ARHGAP20: variants seen among roughly 807,000 people sequenced by gnomAD.
ARHGAP20 encodes the protein rho GTPase-activating protein 20.
A neutral mutation model predicts 73.7 loss-of-function variants in ARHGAP20; 34 were observed. That is an observed-to-expected ratio of 0.46 (90% CI 0.35 to 0.61). The LOEUF (loss-of-function observed/expected upper bound fraction) is 0.61, where lower values mean the gene tolerates loss of function less well. Among genes scored for constraint, ARHGAP20 ranks in the 20% least tolerant of loss-of-function variants. ARHGAP20 has a pLI of 0.00. For synonymous variants in ARHGAP20, 523 were observed against 518.2 expected (o/e 1.01, Z -0.13); for missense variants, 1,314 against 1,420.9 (o/e 0.92, Z 1.21).
chr11:110,667,492 A>T (rs1331964582), intron 2 of ARHGAP20, among the ~76,000 whole-genome samples: 1 of 152,212 alleles, frequency 6.6e-6, no homozygotes, highest in Admixed American at 6.5e-5. Flanking sequence ...GCTCACCGAT[A>T]ATGCACCTAG....
At position 110,579,561 on chromosome 11, in the gene ARHGAP20, C is replaced by T. The variant is rs1947380058; in HGVS notation, c.3385G>A (p.Val1129Met). Residue 1129 changes from valine (V) to methionine (M), a missense_variant, in exon 15 of 15, where the codon GTG (valine) becomes ATG (methionine). Transcript: ENST00000683387. ...ERHCSSPFSL[V>M]ESRLKLCMKS... ...ATGCACAGCTTAAGTCTGCTCTCCA[C>T]CAGGCTGAATGGAGAGCTACAGTGT... 3 of 1,613,718 alleles carry T rather than the reference C, an allele frequency of 1.9e-6. No homozygotes were observed. Among genetic ancestry groups the T allele is most frequent in the Non-Finnish European group, 2.5e-6 (3 of 1,179,736 alleles).
chr11:110,657,100 C>T (rs1006779277), intron 2 of ARHGAP20, among the ~76,000 whole-genome samples: 4 of 152,074 alleles, frequency 2.6e-5, no homozygotes, highest in African/African-American at 9.7e-5. Flanking sequence ...ATTATATAGC[C>T]TTTATTCATT....
At chr11:110,628,602 A>G (rs1239324101) in intron 3 of ARHGAP20, among the ~76,000 whole-genome samples, 4 of 152,182 alleles carry the variant, frequency 2.6e-5, no homozygotes, top group Non-Finnish European at 5.9e-5. Context: ...AATAACTTAG[A>G]TCATTCGCAC....
At chr11:110,674,592 A>T (rs1475748101) in intron 2 of ARHGAP20, among the ~76,000 whole-genome samples, 1 of 152,228 alleles carries the variant, frequency 6.6e-6, no homozygotes, top group Non-Finnish European at 1.5e-5. Flanking sequence ...TATAAAACAT[A>T]AATGAATTTT....
chr11:110,655,700 G>A lies in ARHGAP20; in HGVS notation c.189-24908C>T, dbSNP rs566287868. On this transcript the variant is annotated intron_variant, in intron 2 of 14. Transcript: ENST00000683387. The stretch of plus-strand genomic sequence containing the variant: ...AGAGGCAGGTCTTTGAAGTGGGTGA[G>A]AGTATCTATCTCTGATCTCTCACTC... Among the ~76,000 whole-genome samples the A allele has an allele frequency of 2.0e-5, 3 of 152,140 alleles. No homozygotes were observed. In the South Asian group the frequency reaches 6.2e-4, roughly 32 times the overall value.
chr11:110,599,065 C>T, intron 9 of ARHGAP20, among the ~76,000 whole-genome samples: 1 of 152,196 alleles, frequency 6.6e-6, no homozygotes, highest in Non-Finnish European at 1.5e-5. Context: ...CCCTGCCCTC[C>T]CAGGTGTAGC....
chr11:110,670,598 C>T (rs983526180), intron 2 of ARHGAP20, among the ~76,000 whole-genome samples: 4 of 151,872 alleles, frequency 2.6e-5, no homozygotes, highest in African/African-American at 9.7e-5. Context: ...AAAACTCAAC[C>T]CTAGATAACT....
intron 4 of ARHGAP20, among the ~76,000 whole-genome samples, chr11:110,621,414 A>G (rs1354338835): frequency 6.6e-6 from 1 of 151,540 alleles, no homozygotes. Context: ...ATATATTCCC[A>G]CAAGTCCGTG....
In ARHGAP20 at chr11:110,636,164, G is replaced by A. The variant is rs369562200; in HGVS notation, c.189-5372C>T. On this transcript the variant is annotated intron_variant, in intron 2 of 14. Transcript: ENST00000683387. ...AGGGTCTGATGATAGTTTAAGTTTT[G>A]TGGGCCATGCCATTTCTGTCAAAAC... 2.2e-3 allele frequency among the ~76,000 whole-genome samples: 332 copies of A among 152,140 alleles called. 3 individuals carry two copies. Among genetic ancestry groups the A allele is most frequent in the Non-Finnish European group, 3.6e-3 (247 of 67,946 alleles).
intron 2 of ARHGAP20, among the ~76,000 whole-genome samples, chr11:110,636,333 C>T (rs1182838067): frequency 6.6e-6 from 1 of 152,106 alleles, no homozygotes; most frequent in African/African-American, 2.4e-5. Flanking sequence ...ACTTCCAAAA[C>T]ATTTAAATGT....
Position 110,680,313 on chromosome 11 carries a change from A to G in ARHGAP20, c.188+10234T>C, listed in dbSNP as rs555454125. On this transcript the variant is annotated intron_variant, in intron 2 of 14. Transcript: ENST00000683387. ...TGGCTACAGAGTCCATACTTTCTTA[A>G]CCACAATAATATGAAGCTTCTCAAT... 3.3e-5 allele frequency among the ~76,000 whole-genome samples: 5 copies of G among 152,274 alleles called. No homozygotes were observed. The South Asian group carries it at 1.0e-3, about 32-fold the overall frequency.
rs371002402 is a variant in ARHGAP20 at position 110,712,110 on chromosome 11, C to T, written c.105+17G>A. 6.9e-4 allele frequency: 900 copies of T among 1,310,988 alleles called. 4 individuals carry two copies. The highest frequency in any genetic ancestry group is 4.3e-3 in the Middle Eastern group (15 of 3,492). 81.2% of individuals were successfully genotyped at this position (1,310,988 alleles called of 1,614,324 possible). Reference sequence around the variant, plus strand: ...CTGCGGCGGCGGAGGGCACGGGCCCCCGCTCAGCGTCCTCACCTTCTTGGT... The same window carrying T: ...CTGCGGCGGCGGAGGGCACGGGCCCTCGCTCAGCGTCCTCACCTTCTTGGT... On this transcript the variant is annotated intron_variant, in intron 1 of 14. Coordinates refer to ENST00000683387, the MANE Select transcript of ARHGAP20 (RefSeq NM_001384657.1).
intron 2 of ARHGAP20, among the ~76,000 whole-genome samples, chr11:110,690,274 T>C (rs934731150): frequency 9.2e-5 from 14 of 152,242 alleles, no homozygotes; most frequent in Admixed American, 1.3e-4. Flanking sequence ...TTCTATTTTA[T>C]AAGTAAACTT....
At chr11:110,592,919 T>C (rs1299651553) in intron 9 of ARHGAP20, among the ~76,000 whole-genome samples, 1 of 152,210 alleles carries the variant, frequency 6.6e-6, no homozygotes, top group East Asian at 1.9e-4. Context: ...GTTTATAATC[T>C]ACTAGGGATG....
At chr11:110,609,941 T>C (rs922744411) in intron 7 of ARHGAP20, among the ~76,000 whole-genome samples, 7 of 152,188 alleles carry the variant, frequency 4.6e-5, no homozygotes, top group East Asian at 1.9e-4. Context: ...TCTTTTTATA[T>C]AGTGTCTGAA....
Position 110,648,252 on chromosome 11 carries a change from T to C in ARHGAP20, c.189-17460A>G, listed in dbSNP as rs543910122. 7.2e-3 allele frequency among the ~76,000 whole-genome samples: 602 copies of C among 83,102 alleles called. 3 individuals carry two copies. The highest frequency in any genetic ancestry group is 0.014 in the Middle Eastern group (2 of 148). The allele number at this position is 83,102 out of a possible 152,430, so 54.5% of individuals were successfully genotyped here. ...ATATATATATGTAAATATATATATG[T>C]AAATATATATATGTAAATATATATA... On this transcript the variant is annotated intron_variant, in intron 2 of 14. Coordinates refer to ENST00000683387, the MANE Select transcript of ARHGAP20 (RefSeq NM_001384657.1).
chr11:110,599,774 ACTAC>A (rs1948064765), intron 9 of ARHGAP20, among the ~76,000 whole-genome samples: 1 of 145,216 alleles, frequency 6.9e-6, no homozygotes, highest in African/African-American at 2.8e-5. Context: ...AGGACTACCC[ACTAC>A]AGGGCCTCCT....
At chr11:110,614,363 G>A (rs1948436673) in intron 6 of ARHGAP20, among the ~76,000 whole-genome samples, 198 bp downstream of exon 6, 1 of 152,192 alleles carries the variant, frequency 6.6e-6, no homozygotes, top group East Asian at 1.9e-4. Flanking sequence ...ACTTTCTCTA[G>A]GGTTTATTTT....
At chr11:110,616,678 AT>A (rs1055950141) in intron 4 of ARHGAP20, among the ~76,000 whole-genome samples, 17 of 139,262 alleles carry the variant, frequency 1.2e-4, no homozygotes, top group South Asian at 2.3e-4. Flanking sequence ...AGTGTACCAC[AT>A]TTTTTTCTTT....
Sources: gnomAD v4.1 joint callset for allele counts (sites outside exome capture counted in the v4.1 genomes callset) on GRCh38, gnomAD v4.1.1 for gene constraint, MANE v1.5 for transcripts, NCBI Gene and HGNC (gene_info 2026-07-23, HGNC 2026-07-21) for gene names.